Variants in B3GALT1 observed in about 807,000 individuals in gnomAD.
B3GALT1 encodes the protein UDP-Gal:betaGlcNAc beta 1,3-galactosyltransferase, polypeptide 1.
In B3GALT1, 10 loss-of-function variants were observed where a neutral mutation model predicts 23.2. The observed-to-expected ratio is 0.43, with a 90% CI of 0.27 to 0.73. The LOEUF (loss-of-function observed/expected upper bound fraction) is 0.73, where lower values mean the gene tolerates loss of function less well. Ranked by LOEUF, B3GALT1 falls within the 30% of genes least tolerant of loss-of-function variation. The pLI, the probability that B3GALT1 is intolerant of heterozygous loss-of-function variation, is 0.21. For synonymous variants in B3GALT1, 156 were observed against 141.5 expected (o/e 1.10, Z -0.73); for missense variants, 299 against 405.4 (o/e 0.74, Z 2.25).
intron 2 of B3GALT1, among the ~76,000 whole-genome samples, chr2:167,608,106 GC>G (rs1486965309): frequency 1.8e-4 from 28 of 152,224 alleles, no homozygotes; most frequent in Middle Eastern, 3.4e-3. Context: ...ATGTCTAACG[GC>G]CCATGTAAAT....
intron 3 of B3GALT1, among the ~76,000 whole-genome samples, chr2:167,656,926 A>G (rs2105469056): frequency 6.6e-6 from 1 of 152,262 alleles, no homozygotes; most frequent in East Asian, 1.9e-4. Context: ...TGTTATGCAC[A>G]GTGCTGGCAG....
chr2:167,450,432 T>C (rs1192986607), intron 1 of B3GALT1, among the ~76,000 whole-genome samples: 1 of 152,176 alleles, frequency 6.6e-6, no homozygotes, highest in Non-Finnish European at 1.5e-5. Flanking sequence ...AAAAAGACTG[T>C]GTCTTTCCTT....
intron 1 of B3GALT1, among the ~76,000 whole-genome samples, chr2:167,331,609 C>T (rs1696973654): frequency 6.6e-6 from 1 of 152,090 alleles, no homozygotes; most frequent in South Asian, 2.1e-4. Flanking sequence ...TGCTTAGGTG[C>T]TACCACTAGT....
chr2:167,384,981 A>G (rs1276391525), intron 1 of B3GALT1, among the ~76,000 whole-genome samples: 2 of 151,806 alleles, frequency 1.3e-5, no homozygotes, highest in African/African-American at 2.4e-5. Flanking sequence ...TCCCACCACC[A>G]CCACAGTAGC....
intron 2 of B3GALT1, among the ~76,000 whole-genome samples, chr2:167,535,285 T>C (rs753270717): frequency 6.6e-6 from 1 of 152,142 alleles, no homozygotes; most frequent in Non-Finnish European, 1.5e-5. Context: ...GATGGAACTG[T>C]GTACAACTTT....
At chr2:167,679,905 T>C (rs986103913) in intron 3 of B3GALT1, among the ~76,000 whole-genome samples, 4 of 152,244 alleles carry the variant, frequency 2.6e-5, no homozygotes, top group Non-Finnish European at 4.4e-5. Context: ...TTCTGTTAGA[T>C]ATTTTACTTC....
intron 2 of B3GALT1, among the ~76,000 whole-genome samples, chr2:167,532,178 A>G (rs1415589859): frequency 6.6e-6 from 1 of 152,110 alleles, no homozygotes; most frequent in Non-Finnish European, 1.5e-5. Context: ...ATAATATTTT[A>G]ATTTGTCTAT....
chr2:167,780,210 T>A (rs1375147849), intron 3 of B3GALT1, among the ~76,000 whole-genome samples: 3 of 152,212 alleles, frequency 2.0e-5, no homozygotes, highest in Non-Finnish European at 2.9e-5. Context: ...CCTGAGAGAA[T>A]CTTGAATTAC....
intron 1 of B3GALT1, among the ~76,000 whole-genome samples, chr2:167,452,872 G>A (rs1270232063): frequency 6.6e-6 from 1 of 152,176 alleles, no homozygotes. Flanking sequence ...GGTGCCATGA[G>A]AGTCACCTGT....
intron 1 of B3GALT1, among the ~76,000 whole-genome samples, chr2:167,364,616 G>T (rs1270395378): frequency 6.6e-6 from 1 of 152,112 alleles, no homozygotes; most frequent in Non-Finnish European, 1.5e-5. Context: ...GCGATAGTTT[G>T]CTCAGAATGA....
At chr2:167,574,409 C>A (rs928686812) in intron 2 of B3GALT1, among the ~76,000 whole-genome samples, 5 of 151,578 alleles carry the variant, frequency 3.3e-5, no homozygotes, top group African/African-American at 1.2e-4. Context: ...AAAGTAGGGA[C>A]CATTTGATCA....
At chr2:167,338,808 A>T (rs1183910464) in intron 1 of B3GALT1, among the ~76,000 whole-genome samples, 1 of 152,124 alleles carries the variant, frequency 6.6e-6, no homozygotes, top group African/African-American at 2.4e-5. Context: ...AGTATAAAAG[A>T]AAAACCATGA....
chr2:167,577,451 A>G (rs1684406364), intron 2 of B3GALT1, among the ~76,000 whole-genome samples: 1 of 151,888 alleles, frequency 6.6e-6, no homozygotes. Context: ...GAAAATGAAC[A>G]CCTTTATTTT....
chr2:167,466,771 G>A (rs906153695), intron 1 of B3GALT1, among the ~76,000 whole-genome samples: 3 of 151,136 alleles, frequency 2.0e-5, no homozygotes, highest in African/African-American at 7.3e-5. Context: ...GGAGTGCAGT[G>A]GTGTGATCTT....
intron 2 of B3GALT1, among the ~76,000 whole-genome samples, chr2:167,493,647 T>C (rs774173759): frequency 2.0e-5 from 3 of 152,270 alleles, no homozygotes; most frequent in Middle Eastern, 3.4e-3. Flanking sequence ...CTATTTTCTA[T>C]AAAAGACGGA....
chr2:167,866,806 C>T lies in B3GALT1; in HGVS notation c.-229-2005C>T, dbSNP rs1690226682. Among the ~76,000 whole-genome samples the T allele has an allele frequency of 2.6e-5, 4 of 152,200 alleles. No homozygotes were observed. In the South Asian group the frequency reaches 8.3e-4, roughly 32 times the overall value. On this transcript the variant is annotated intron_variant, in intron 4 of 4. Transcript: ENST00000392690. The stretch of plus-strand genomic sequence containing the variant: ...AGAGCAATATAATGACAAAAGTAGA[C>T]TAAGAATCAGATACATAGCCTAGGA...
At chr2:167,575,171 TGAA>T (rs1684359457) in intron 2 of B3GALT1, among the ~76,000 whole-genome samples, 1 of 151,800 alleles carries the variant, frequency 6.6e-6, no homozygotes, top group Non-Finnish European at 1.5e-5. Flanking sequence ...CATGTAAATA[TGAA>T]GAAGAATAGC....
intron 3 of B3GALT1, among the ~76,000 whole-genome samples, chr2:167,748,587 G>C (rs1574243258): frequency 6.6e-6 from 1 of 152,270 alleles, no homozygotes; most frequent in East Asian, 1.9e-4. Flanking sequence ...GCAAAAGGAA[G>C]GTTCAAAGTG....
chr2:167,525,810 G>A (rs996037165), intron 2 of B3GALT1, among the ~76,000 whole-genome samples: 7 of 149,846 alleles, frequency 4.7e-5, no homozygotes, highest in East Asian at 3.9e-4. Flanking sequence ...GACAGGGTCC[G>A]CCTATGTTGC....
Sources: gnomAD v4.1 joint callset for allele counts (sites outside exome capture counted in the v4.1 genomes callset) on GRCh38, gnomAD v4.1.1 for gene constraint, MANE v1.5 for transcripts, NCBI Gene and HGNC (gene_info 2026-07-23, HGNC 2026-07-21) for gene names.